PARD3: variants seen among roughly 807,000 people sequenced by gnomAD.
PARD3 encodes the protein par-3 family cell polarity regulator.
A neutral mutation model predicts 155.4 loss-of-function variants in PARD3; 75 were observed. That is an observed-to-expected ratio of 0.48 (90% CI 0.40 to 0.58). PARD3 has a LOEUF of 0.58. PARD3 is among the 20% of genes least tolerant of loss of function. The pLI is 0.00. For synonymous variants in PARD3, 576 were observed against 610.5 expected (o/e 0.94, Z 0.83); for missense variants, 1,642 against 1,721.7 (o/e 0.95, Z 0.82).
intron 23 of PARD3, among the ~76,000 whole-genome samples, chr10:34,126,151 G>A (rs934319967): frequency 6.6e-6 from 1 of 152,142 alleles, no homozygotes; most frequent in African/African-American, 2.4e-5. Context: ...CTCAACTTGG[G>A]AGAGAATTCA....
chr10:34,345,864 GGACT>G lies in PARD3; in HGVS notation c.2218+2097_2218+2100del, dbSNP rs1370414968. On this transcript the variant is annotated intron_variant, in intron 15 of 24. Coordinates refer to ENST00000374788, the MANE Select transcript of PARD3 (RefSeq NM_001184785.2). ...CTTACGGCCAAAGATACTAGAATAA[GGACT>G]GACAAAAAGTGAGGAATTTTCAAAT... 6.1e-6 allele frequency: 6 copies of G among 984,906 alleles called. No individual in the cohort carries two copies. The African/African-American group carries it at 1.0e-4, about 17-fold the overall frequency. The allele number at this position is 984,906 out of a possible 1,614,324, so 61.0% of individuals were successfully genotyped here.
intron 19 of PARD3, among the ~76,000 whole-genome samples, chr10:34,322,705 A>G (rs187885627): frequency 6.6e-6 from 1 of 152,292 alleles, no homozygotes; most frequent in East Asian, 1.9e-4. Flanking sequence ...AAACTCAACA[A>G]TACTCTCCTC....
intron 12 of PARD3, among the ~76,000 whole-genome samples, chr10:34,365,544 G>C (rs1368406660): frequency 6.6e-6 from 1 of 152,120 alleles, no homozygotes; most frequent in Non-Finnish European, 1.5e-5. Context: ...TATGTGGCTG[G>C]GACATGATAC....
At chr10:34,468,504 T>C (rs1381974039) in intron 4 of PARD3, among the ~76,000 whole-genome samples, 1 of 152,192 alleles carries the variant, frequency 6.6e-6, no homozygotes, top group Non-Finnish European at 1.5e-5. Flanking sequence ...TAAAAAAAGA[T>C]TAACTGCCAT....
chr10:34,559,945 T>A (rs1355667163), intron 2 of PARD3, among the ~76,000 whole-genome samples: 2 of 152,046 alleles, frequency 1.3e-5, no homozygotes. Context: ...TTAAAATGAG[T>A]CAGTGAAGAG....
intron 3 of PARD3, among the ~76,000 whole-genome samples, chr10:34,505,362 G>C (rs1187312965): frequency 6.6e-6 from 1 of 152,204 alleles, no homozygotes; most frequent in Non-Finnish European, 1.5e-5. Flanking sequence ...AAAAGGAAGT[G>C]AAGAGGGAAG....
intron 22 of PARD3, among the ~76,000 whole-genome samples, chr10:34,214,990 T>C (rs1951933858): frequency 6.6e-6 from 1 of 152,326 alleles, no homozygotes; most frequent in South Asian, 2.1e-4. Context: ...GTAATTGCAG[T>C]GGCCCATTTT....
At chr10:34,313,616 G>A (rs1397395848) in intron 20 of PARD3, among the ~76,000 whole-genome samples, 1 of 152,122 alleles carries the variant, frequency 6.6e-6, no homozygotes, top group African/African-American at 2.4e-5. Context: ...ATATGCCAAT[G>A]ACTAAAAATA....
intron 2 of PARD3, among the ~76,000 whole-genome samples, chr10:34,625,779 C>T (rs1452633177): frequency 2.0e-5 from 3 of 152,160 alleles, no homozygotes; most frequent in South Asian, 4.1e-4. Flanking sequence ...GGCGTGATGG[C>T]GCATGCCTGT....
chr10:34,415,624 T>C (rs1845591531), intron 5 of PARD3, among the ~76,000 whole-genome samples: 1 of 152,130 alleles, frequency 6.6e-6, no homozygotes, highest in Non-Finnish European at 1.5e-5. Flanking sequence ...CTGAATTGCA[T>C]AAAAGACCAG....
At chr10:34,637,271 C>T (rs1371627220) in intron 2 of PARD3, among the ~76,000 whole-genome samples, 2 of 152,158 alleles carry the variant, frequency 1.3e-5, no homozygotes, top group Non-Finnish European at 2.9e-5. Context: ...AACGACAAAG[C>T]CAGCATGCAA....
At chr10:34,642,847 G>A (rs2092721718) in intron 2 of PARD3, among the ~76,000 whole-genome samples, 1 of 152,130 alleles carries the variant, frequency 6.6e-6, no homozygotes, top group South Asian at 2.1e-4. Flanking sequence ...CACCTACAGT[G>A]CAGCCAGATG....
chr10:34,178,872 G>A (rs1950146677), intron 22 of PARD3, among the ~76,000 whole-genome samples: 1 of 152,164 alleles, frequency 6.6e-6, no homozygotes, highest in South Asian at 2.1e-4. Context: ...TACCAGTGAT[G>A]GAATTGAGGT....
chr10:34,808,338 C>T (rs1003462785), intron 1 of PARD3, among the ~76,000 whole-genome samples: 2 of 145,560 alleles, frequency 1.4e-5, no homozygotes, highest in Non-Finnish European at 3.0e-5. Context: ...AAAGAAAAAA[C>T]TTGTAAATAA....
At chr10:34,614,190 GGCCAATGACCTCTCTCCTTTT>G (rs1451465707) in intron 2 of PARD3, among the ~76,000 whole-genome samples, 1 of 152,126 alleles carries the variant, frequency 6.6e-6, no homozygotes, top group Non-Finnish European at 1.5e-5. Context: ...AGTAATGTGA[GGCCAATGACCTCTCTCCTTTT>G]GCTCCGCTAC....
At chr10:34,545,643 C>T (rs1207427268) in intron 2 of PARD3, among the ~76,000 whole-genome samples, 2 of 152,208 alleles carry the variant, frequency 1.3e-5, no homozygotes, top group Non-Finnish European at 1.5e-5. Context: ...CAATCTCCAC[C>T]TCCCTGGTTC....
chr10:34,126,818 G>GAA (rs550942430), intron 23 of PARD3, among the ~76,000 whole-genome samples: 130 of 73,374 alleles, frequency 1.8e-3, no homozygotes, highest in African/African-American at 5.4e-3. Context: ...TCTTGAAAAT[G>GAA]AAAAAAAAAA....
chr10:34,345,523 A>G, intron 15 of PARD3: 1 of 985,378 alleles, frequency 1.0e-6, no homozygotes, highest in Non-Finnish European at 1.2e-6. Context: ...TTCCAAACAT[A>G]TAGAAGACAA....
chr10:34,339,096 G>T (rs1048437855), intron 16 of PARD3, among the ~76,000 whole-genome samples: 1 of 152,120 alleles, frequency 6.6e-6, no homozygotes, highest in Non-Finnish European at 1.5e-5. Flanking sequence ...CATATGATAA[G>T]AAATATGACA....
Sources: gnomAD v4.1 joint callset for allele counts (sites outside exome capture counted in the v4.1 genomes callset) on GRCh38, gnomAD v4.1.1 for gene constraint, MANE v1.5 for transcripts, NCBI Gene and HGNC (gene_info 2026-07-23, HGNC 2026-07-21) for gene names.